Variants in TRIO observed in about 807,000 individuals in gnomAD.
TRIO encodes the protein trio Rho guanine nucleotide exchange factor.
TRIO carries 58 observed loss-of-function variants against 351.9 expected under a neutral mutation model. The ratio of observed to expected loss-of-function variants is 0.16; its 90% CI spans 0.13 to 0.21. The LOEUF (loss-of-function observed/expected upper bound fraction) is 0.21. TRIO is among the 10% of genes least tolerant of loss of function. The pLI, the probability that TRIO is intolerant of heterozygous loss-of-function variation, is 1.00. For synonymous variants in TRIO, 1,758 were observed against 1,595.7 expected, an observed-to-expected ratio of 1.10 and a Z score of -2.42; for missense variants, 3,201 against 4,027.8, an observed-to-expected ratio of 0.79 and a Z score of 5.56.
At chr5:14,259,102 G>A (rs985928836) in intron 1 of TRIO, among the ~76,000 whole-genome samples, 2 of 152,166 alleles carry the variant, frequency 1.3e-5, no homozygotes, top group African/African-American at 2.4e-5. Flanking sequence ...TCCCTCTGCC[G>A]GGTCCTGGAG....
At chr5:14,455,567 T>C (rs1031687669) in intron 34 of TRIO, among the ~76,000 whole-genome samples, 6 of 147,798 alleles carry the variant, frequency 4.1e-5, no homozygotes, top group Non-Finnish European at 7.4e-5. Flanking sequence ...AAGGCCCCAC[T>C]AGATTAGCTA....
chr5:14,437,643 T>A (rs1751687709), intron 34 of TRIO, among the ~76,000 whole-genome samples: 1 of 149,042 alleles, frequency 6.7e-6, no homozygotes, highest in Admixed American at 6.8e-5. Flanking sequence ...TGTGCCCTCA[T>A]CTCCTCTTCC....
intron 39 of TRIO, 131 bp from the exon 40 acceptor site, chr5:14,473,862 GT>G: frequency 1.3e-6 from 1 of 767,110 alleles, no homozygotes. Context: ...TTTTTTGTTT[GT>G]TTTTAGACAA....
At chr5:14,442,551 T>G (rs1201629659) in intron 34 of TRIO, among the ~76,000 whole-genome samples, 2 of 152,206 alleles carry the variant, frequency 1.3e-5, no homozygotes, top group Non-Finnish European at 2.9e-5. Context: ...ATAATACTCC[T>G]TGTATTTTTG....
At chr5:14,273,822 C>T (rs1041171486) in intron 2 of TRIO, among the ~76,000 whole-genome samples, 2 of 152,170 alleles carry the variant, frequency 1.3e-5, no homozygotes, top group African/African-American at 2.4e-5. Flanking sequence ...AAATCTCACA[C>T]GACAACCACC....
intron 46 of TRIO, 57 bp from the exon 47 acceptor site, chr5:14,485,012 T>C: frequency 6.8e-7 from 1 of 1,467,852 alleles, no homozygotes; most frequent in Non-Finnish European, 9.1e-7. Context: ...AGTGGACACA[T>C]GGTTTGCTTC....
intron 11 of TRIO, among the ~76,000 whole-genome samples, chr5:14,348,346 C>T (rs1267713670): frequency 6.6e-6 from 1 of 152,222 alleles, no homozygotes; most frequent in African/African-American, 2.4e-5. Context: ...TAGTGCTCAA[C>T]AATTGATGAA....
chr5:14,156,229 G>C (rs796120933), intron 1 of TRIO, among the ~76,000 whole-genome samples: 4 of 152,216 alleles, frequency 2.6e-5, no homozygotes, highest in African/African-American at 9.6e-5. Context: ...AACTGTTCCA[G>C]GTGCACCTTG....
chr5:14,273,038 T>TA (rs1227449346), intron 2 of TRIO, among the ~76,000 whole-genome samples: 1 of 152,180 alleles, frequency 6.6e-6, no homozygotes, highest in African/African-American at 2.4e-5. Flanking sequence ...GTGCAACTGT[T>TA]ACCACTAATT....
At chr5:14,444,552 A>G (rs1214148347) in intron 34 of TRIO, among the ~76,000 whole-genome samples, 1 of 152,210 alleles carries the variant, frequency 6.6e-6, no homozygotes, top group Non-Finnish European at 1.5e-5. Context: ...GTTCTTGATA[A>G]TCTCGCTGAG....
intron 28 of TRIO, among the ~76,000 whole-genome samples, chr5:14,396,044 TAAAA>T (rs557922366): frequency 9.3e-5 from 6 of 64,542 alleles, no homozygotes; most frequent in East Asian, 5.8e-4. Flanking sequence ...AGACTCCGCC[TAAAA>T]AAAAAAAAAA....
chr5:14,490,156 A>G (rs1280653400), intron 48 of TRIO, among the ~76,000 whole-genome samples: 2 of 135,438 alleles, frequency 1.5e-5, no homozygotes, highest in African/African-American at 3.0e-5. Flanking sequence ...GCACGCACCT[A>G]TAGTCCCAGC....
At chr5:14,372,083 G>A (rs979701052) in intron 18 of TRIO, among the ~76,000 whole-genome samples, 2 of 151,930 alleles carry the variant, frequency 1.3e-5, no homozygotes, top group Non-Finnish European at 2.9e-5. Flanking sequence ...GAAGAAATAC[G>A]TTCCTCGGAT....
At chr5:14,421,299 A>C (rs1750132014) in intron 34 of TRIO, among the ~76,000 whole-genome samples, 1 of 133,340 alleles carries the variant, frequency 7.5e-6, no homozygotes, top group Non-Finnish European at 1.6e-5. Context: ...CTGTAATGCA[A>C]GGAAACTCAT....
intron 1 of TRIO, among the ~76,000 whole-genome samples, chr5:14,263,497 T>C (rs1326285474): frequency 6.6e-6 from 1 of 152,236 alleles, no homozygotes; most frequent in East Asian, 1.9e-4. Flanking sequence ...TTTCTTTGTC[T>C]GAAGAAGAGT....
chr5:14,354,955 A>T, intron 11 of TRIO, among the ~76,000 whole-genome samples: 1 of 152,206 alleles, frequency 6.6e-6, no homozygotes, highest in Non-Finnish European at 1.5e-5. Flanking sequence ...AGTGAAATAA[A>T]TGGTTTATTT....
intron 49 of TRIO, 35 bp from the exon 50 acceptor site, chr5:14,496,844 A>G (rs1756927453): frequency 1.2e-6 from 2 of 1,603,674 alleles, no homozygotes; most frequent in African/African-American, 2.7e-5. Context: ...AATGTTGGAA[A>G]GGCATAATAC....
intron 31 of TRIO, 79 bp downstream of exon 31, chr5:14,401,143 ATATTAT>A (rs757218193): frequency 7.6e-6 from 9 of 1,190,796 alleles, no homozygotes; most frequent in East Asian, 2.5e-5. Context: ...CGTTGTTTTC[ATATTAT>A]TATTATTTGT....
intron 33 of TRIO, among the ~76,000 whole-genome samples, chr5:14,407,066 G>A (rs879007587): frequency 2.0e-5 from 3 of 152,242 alleles, no homozygotes; most frequent in Admixed American, 1.3e-4. Flanking sequence ...CCCTTCCAGC[G>A]ACTAGGAGGG....
Sources: allele counts gnomAD v4.1 joint callset (sites outside exome capture counted in the v4.1 genomes callset), GRCh38; gene constraint gnomAD v4.1.1; transcripts MANE v1.5; gene names NCBI Gene and HGNC (gene_info 2026-07-23, HGNC 2026-07-21).